The following EBF2 variants were observed in gnomAD, a reference collection of about 807,000 sequenced individuals.
EBF2 encodes the protein EBF transcription factor 2, also known as transcription factor COE2.
In EBF2, 21 loss-of-function variants were observed where a neutral mutation model predicts 72.8. That is an observed-to-expected ratio of 0.29 (90% CI 0.20 to 0.42). The LOEUF (loss-of-function observed/expected upper bound fraction) is 0.42. Ranked by LOEUF, EBF2 falls within the 10% of genes least tolerant of loss-of-function variation. The pLI is 1.00. For missense variants in EBF2, 637 were observed against 731.2 expected, an observed-to-expected ratio of 0.87 and a Z score of 1.49; for synonymous variants, 299 against 274.2, an observed-to-expected ratio of 1.09 and a Z score of -0.89.
Position 26,044,205 on chromosome 8 carries a change from C to T in EBF2, c.131+524G>A, listed in dbSNP as rs958430875. On this transcript the variant is annotated intron_variant, in intron 1 of 15. Coordinates refer to ENST00000520164, the MANE Select transcript of EBF2 (RefSeq NM_022659.4). This position sits in a 1 kb window ranked among gnomAD's most constrained non-coding sequence, Gnocchi z 4.1. ...CGGCCGCCTCGTCTTCCCGGGCAGC[C>T]GCTCCGGCTTTTCCCGCTCCCCTCG... Among the ~76,000 whole-genome samples, 5 of 152,234 alleles carry T rather than the reference C, an allele frequency of 3.3e-5. No individual in the cohort carries two copies. The highest frequency in any genetic ancestry group is 1.2e-4 in the African/African-American group (5 of 41,460).
intron 10 of EBF2, among the ~76,000 whole-genome samples, chr8:25,879,819 A>C (rs1377097616): frequency 6.6e-6 from 1 of 152,180 alleles, no homozygotes; most frequent in African/African-American, 2.4e-5. Context: ...GTATCTTAGA[A>C]AGTCTCCATT....
chr8:25,928,129 T>A (rs568859714), intron 6 of EBF2, among the ~76,000 whole-genome samples: 1 of 152,150 alleles, frequency 6.6e-6, no homozygotes, highest in East Asian at 1.9e-4. Flanking sequence ...TAAATTAGAA[T>A]CTGGTAAGAG....
intron 6 of EBF2, 123 bp downstream of exon 6, chr8:26,032,961 AG>A: frequency 1.2e-6 from 1 of 861,948 alleles, no homozygotes; most frequent in Non-Finnish European, 1.9e-6. Flanking sequence ...TTGTTGGATG[AG>A]CTTAGTGACT....
At chr8:25,878,515 T>C (rs541555634) in intron 10 of EBF2, among the ~76,000 whole-genome samples, 1 of 152,290 alleles carries the variant, frequency 6.6e-6, no homozygotes, top group East Asian at 1.9e-4. Flanking sequence ...TTCATGTCAG[T>C]AGCTGCCAAT....
At chr8:25,920,289 G>C (rs749913090) in intron 6 of EBF2, among the ~76,000 whole-genome samples, 1 of 152,186 alleles carries the variant, frequency 6.6e-6, no homozygotes, top group Non-Finnish European at 1.5e-5. Context: ...CTGTAGTCAG[G>C]AACATGTGCA....
intron 6 of EBF2, among the ~76,000 whole-genome samples, chr8:25,925,195 T>C (rs1419104101): frequency 6.6e-6 from 1 of 152,214 alleles, no homozygotes; most frequent in Non-Finnish European, 1.5e-5. Flanking sequence ...TTTCTCCTTT[T>C]TTTGGAAATT....
chr8:26,041,739 C>T (rs1805603983), intron 2 of EBF2, among the ~76,000 whole-genome samples: 1 of 152,170 alleles, frequency 6.6e-6, no homozygotes, highest in Admixed American at 6.5e-5. Flanking sequence ...CCACCTGGCT[C>T]TCGCAGGTGC....
chr8:25,893,460 T>A (rs1159272477), intron 7 of EBF2, among the ~76,000 whole-genome samples: 1 of 151,932 alleles, frequency 6.6e-6, no homozygotes, highest in Non-Finnish European at 1.5e-5. Context: ...CTAATTTTTG[T>A]ATTTTTGGGG....
intron 6 of EBF2, among the ~76,000 whole-genome samples, chr8:25,941,109 T>C (rs1011646955): frequency 3.9e-5 from 6 of 152,212 alleles, no homozygotes; most frequent in South Asian, 4.2e-4. Context: ...CTCATGAGTA[T>C]GGAGAGTGGA....
chr8:26,001,081 C>T (rs1260054547), intron 6 of EBF2, among the ~76,000 whole-genome samples: 2 of 152,172 alleles, frequency 1.3e-5, no homozygotes, highest in African/African-American at 2.4e-5. Context: ...CTTTGGGGTA[C>T]CTAAAAAGAT....
intron 7 of EBF2, among the ~76,000 whole-genome samples, chr8:25,890,790 G>A (rs963598576): frequency 6.6e-6 from 1 of 152,234 alleles, no homozygotes; most frequent in African/African-American, 2.4e-5. Flanking sequence ...GATTAGGGAT[G>A]CTCAACCAGT....
chr8:25,876,461 C>T (rs1482592485), intron 10 of EBF2, among the ~76,000 whole-genome samples: 1 of 152,118 alleles, frequency 6.6e-6, no homozygotes, highest in Non-Finnish European at 1.5e-5. Context: ...AAATAAAATA[C>T]ACATTCTCAG....
chr8:25,949,230 C>T (rs1803818247), intron 6 of EBF2, among the ~76,000 whole-genome samples: 2 of 152,168 alleles, frequency 1.3e-5, no homozygotes. Flanking sequence ...GGTTACACAG[C>T]TAGAAAGAAG....
intron 6 of EBF2, among the ~76,000 whole-genome samples, chr8:26,005,764 G>A (rs758083010): frequency 3.0e-4 from 44 of 148,550 alleles, no homozygotes; most frequent in Non-Finnish European, 5.0e-4. Flanking sequence ...CTGGGAGGTG[G>A]CGGCTGCAGT....
intron 6 of EBF2, among the ~76,000 whole-genome samples, chr8:26,018,426 G>A (rs1805149044): frequency 1.3e-5 from 2 of 150,432 alleles, no homozygotes; most frequent in Non-Finnish European, 3.0e-5. Flanking sequence ...GCCGAGGCAG[G>A]TGGATCACGA....
intron 2 of EBF2, 98 bp downstream of exon 2, chr8:26,041,997 A>C: frequency 6.7e-7 from 1 of 1,501,820 alleles, no homozygotes; most frequent in Non-Finnish European, 9.1e-7. Context: ...CCTGATGGTG[A>C]GAGTGGAAAA....
chr8:25,900,548 T>G (rs1342273823), intron 7 of EBF2, among the ~76,000 whole-genome samples: 1 of 152,146 alleles, frequency 6.6e-6, no homozygotes, highest in East Asian at 1.9e-4. Flanking sequence ...TGCACATATA[T>G]CTCAGTCTTC....
intron 10 of EBF2, among the ~76,000 whole-genome samples, chr8:25,864,965 A>T (rs932260165): frequency 4.0e-5 from 6 of 150,458 alleles, no homozygotes; most frequent in African/African-American, 9.8e-5. Flanking sequence ...GCCTGGCTAA[A>T]TTTTTTTTTG....
chr8:26,024,976 C>T (rs968900591), intron 6 of EBF2, among the ~76,000 whole-genome samples: 1 of 151,988 alleles, frequency 6.6e-6, no homozygotes, highest in African/African-American at 2.4e-5. Flanking sequence ...ATAAATAATG[C>T]CCATACCCCT....
Sources: allele counts gnomAD v4.1 joint callset (sites outside exome capture counted in the v4.1 genomes callset), GRCh38; gene constraint gnomAD v4.1.1; non-coding constraint Gnocchi (gnomAD v3.1); transcripts MANE v1.5; gene names NCBI Gene and HGNC (gene_info 2026-07-23, HGNC 2026-07-21).